The following ZNF566 variants were observed in gnomAD, a reference collection of about 807,000 sequenced individuals.
The protein encoded by ZNF566 is zinc finger protein 566.
In ZNF566, 27 loss-of-function variants were observed where a neutral mutation model predicts 32.8. The observed-to-expected ratio is 0.82, with a 90% CI of 0.61 to 1.14. The LOEUF (loss-of-function observed/expected upper bound fraction) is 1.14, where lower values mean the gene tolerates loss of function less well. ZNF566 is among the 50% of genes most tolerant of loss of function. The pLI, the probability that ZNF566 is intolerant of heterozygous loss-of-function variation, is 0.00. For synonymous variants in ZNF566, 154 were observed against 159.5 expected (o/e 0.97, Z 0.26); for missense variants, 402 against 490.4 (o/e 0.82, Z 1.70).
chr19:36,476,306 GA>G (rs74174412), intron 2 of ZNF566: 18,430 of 222,404 alleles, frequency 0.083, no homozygotes, highest in South Asian at 0.12. Context: ...ACTCCATCTC[GA>G]AAAAAAAAAA....
chr19:36,456,705 C>T (rs2033324646), intron 4 of ZNF566, among the ~76,000 whole-genome samples: 1 of 152,032 alleles, frequency 6.6e-6, no homozygotes, highest in Non-Finnish European at 1.5e-5. Context: ...ACAATCTGCA[C>T]ATGTATCCCA....
intron 2 of ZNF566, among the ~76,000 whole-genome samples, chr19:36,475,678 T>C (rs2033866887): frequency 6.6e-6 from 1 of 152,096 alleles, no homozygotes; most frequent in African/African-American, 2.4e-5. Flanking sequence ...GAAGGACTTG[T>C]AAACCAGCAT....
In ZNF566 at chr19:36,461,627, C is replaced by T. The variant is rs370296796; in HGVS notation, c.232+11284G>A. Among the ~76,000 whole-genome samples, 13 of 152,080 alleles carry T rather than the reference C, an allele frequency of 8.5e-5. No individual in the cohort carries two copies. The East Asian group carries it at 1.7e-3, about 20-fold the overall frequency. On this transcript the variant is annotated intron_variant, in intron 4 of 4. Transcript: ENST00000452939. ...CAGAGGTTGCAGTGAGCCAAGATCA[C>T]GCCACTGCACTCCAGCCTGGGCGAC...
intron 1 of ZNF566, among the ~76,000 whole-genome samples, chr19:36,479,781 C>T (rs1196095793): frequency 2.0e-5 from 3 of 152,180 alleles, no homozygotes; most frequent in African/African-American, 4.8e-5. Flanking sequence ...AGTAGAAGCA[C>T]GCCATCAAGT....
At chr19:36,465,152 T>A (rs940413878) in intron 4 of ZNF566, among the ~76,000 whole-genome samples, 2 of 152,090 alleles carry the variant, frequency 1.3e-5, no homozygotes, top group Non-Finnish European at 2.9e-5. Flanking sequence ...GGTAATCATC[T>A]TCAAAAATGA....
chr19:36,480,498 TG>T, intron 1 of ZNF566, among the ~76,000 whole-genome samples: 1 of 150,716 alleles, frequency 6.6e-6, no homozygotes, highest in South Asian at 2.1e-4. Flanking sequence ...TTGGCCAGGC[TG>T]GTCTCAAATT....
At chr19:36,463,282 T>G (rs993304653) in intron 4 of ZNF566, among the ~76,000 whole-genome samples, 4 of 152,100 alleles carry the variant, frequency 2.6e-5, no homozygotes, top group Non-Finnish European at 4.4e-5. Flanking sequence ...CAGCTGGAAT[T>G]ATCTCTGTCT....
chr19:36,482,720 G>T (rs969907504), intron 1 of ZNF566, among the ~76,000 whole-genome samples: 3 of 152,182 alleles, frequency 2.0e-5, no homozygotes, highest in African/African-American at 7.2e-5. Flanking sequence ...TTGATTCTGA[G>T]AAGCAGGTTT....
At chr19:36,473,305 T>C in intron 3 of ZNF566, 27 bp downstream of exon 3, 1 of 1,613,328 alleles carries the variant, frequency 6.2e-7, no homozygotes, top group East Asian at 2.2e-5. Context: ...GGGCAGAATC[T>C]AAATTACTAT....
At chr19:36,484,854 GT>G (rs936510003) in intron 1 of ZNF566, among the ~76,000 whole-genome samples, 7 of 152,030 alleles carry the variant, frequency 4.6e-5, no homozygotes, top group African/African-American at 1.7e-4. Context: ...CTCCCAAAGT[GT>G]TGGGATTACA....
chr19:36,451,591 T>C (rs1600135638), intron 4 of ZNF566, among the ~76,000 whole-genome samples: 1 of 152,190 alleles, frequency 6.6e-6, no homozygotes, highest in South Asian at 2.1e-4. Flanking sequence ...TGAATAATTA[T>C]AAGCTTTGTT....
chr19:36,473,197 A>T (rs2033807716), intron 3 of ZNF566, 135 bp downstream of exon 3: 3 of 1,210,472 alleles, frequency 2.5e-6, no homozygotes, highest in African/African-American at 1.5e-5. Flanking sequence ...TTCTAACTCT[A>T]CCATATTCAG....
At chr19:36,451,007 G>C (rs2033143760) in intron 4 of ZNF566, among the ~76,000 whole-genome samples, 1 of 152,192 alleles carries the variant, frequency 6.6e-6, no homozygotes, top group South Asian at 2.1e-4. Context: ...AATAATTTAA[G>C]TAAAATGTGC....
chr19:36,448,972 T>C lies in ZNF566; in HGVS notation c.*5A>G. 4 of 1,562,246 alleles carry C rather than the reference T, an allele frequency of 2.6e-6. No homozygotes were observed. The highest frequency in any genetic ancestry group is 3.5e-6 in the Non-Finnish European group (4 of 1,159,030). On this transcript the variant is annotated 3_prime_UTR_variant, in exon 5 of 5. Transcript: ENST00000452939. ...CTCCCTACACATTTCATATATTCTG[T>C]TTCATCACCAGTACAAATTTTGATG...
intron 4 of ZNF566, among the ~76,000 whole-genome samples, chr19:36,467,871 A>C (rs1568521937): frequency 6.6e-6 from 1 of 150,404 alleles, no homozygotes; most frequent in Non-Finnish European, 1.5e-5. Flanking sequence ...AATTATTATT[A>C]TACACTCACT....
At chr19:36,457,373 G>A (rs1948959650) in intron 4 of ZNF566, among the ~76,000 whole-genome samples, 1 of 152,182 alleles carries the variant, frequency 6.6e-6, no homozygotes, top group African/African-American at 2.4e-5. Context: ...ACAACAGAGT[G>A]AAGAGACTAT....
chr19:36,487,920 A>AG (rs1035573026), intron 1 of ZNF566, among the ~76,000 whole-genome samples: 4 of 151,138 alleles, frequency 2.6e-5, no homozygotes, highest in African/African-American at 9.7e-5. Flanking sequence ...AAAAAAAAAA[A>AG]AAAGAATGGG....
intron 1 of ZNF566, among the ~76,000 whole-genome samples, chr19:36,484,291 A>T (rs1486782345): frequency 3.9e-5 from 6 of 152,242 alleles, no homozygotes; most frequent in Non-Finnish European, 8.8e-5. Flanking sequence ...TTACAGGCAC[A>T]CAAGTTAGGT....
At position 36,473,406 on chromosome 19, in the gene ZNF566, T is replaced by C; in HGVS notation, c.62A>G (p.Glu21Gly). 1 of 1,613,602 alleles carries C rather than the reference T, an allele frequency of 6.2e-7. No individual in the cohort carries two copies. Among genetic ancestry groups the C allele is most frequent in the African/African-American group, 1.3e-5 (1 of 75,044 alleles). The change falls in exon 3 of 5, where the codon GAA becomes GGA. Residue 21 changes from glutamate to glycine, a missense_variant. Coordinates refer to ENST00000452939, the MANE Select transcript of ZNF566 (RefSeq NM_001145344.1). The part of the protein sequence containing the change: ...VSVDFSQEEW[E>G]CLNDDQRDLY... Reference sequence around the variant, plus strand: ...ATCTCTCTGATCATCATTCAGGCATTCCCACTCCTCCTGAGAGAAGTCTAC... The same window carrying C: ...ATCTCTCTGATCATCATTCAGGCATCCCCACTCCTCCTGAGAGAAGTCTAC...
Sources: allele counts gnomAD v4.1 joint callset (sites outside exome capture counted in the v4.1 genomes callset), GRCh38; gene constraint gnomAD v4.1.1; transcripts MANE v1.5; gene names NCBI Gene and HGNC (gene_info 2026-07-23, HGNC 2026-07-21).